Variants in SLC8A3 observed in about 807,000 individuals in gnomAD.
SLC8A3 encodes the protein solute carrier family 8 member A3.
Under a neutral mutation model 65.4 loss-of-function variants are expected in SLC8A3, and 37 were observed. The observed-to-expected ratio is 0.57, with a 90% CI of 0.44 to 0.74. The LOEUF (loss-of-function observed/expected upper bound fraction) is 0.74. Ranked by LOEUF, SLC8A3 falls within the 30% of genes least tolerant of loss-of-function variation. SLC8A3 has a pLI of 0.00. For missense variants in SLC8A3, 1,112 were observed against 1,172.1 expected (o/e 0.95, Z 0.75); for synonymous variants, 461 against 444.5 (o/e 1.04, Z -0.47).
In SLC8A3 at chr14:70,060,868, C is replaced by A. The variant is rs1186932767; in HGVS notation, c.1856G>T (p.Gly619Val). ...ERQENFFIAL[G>V]EPKWMERGIS... Reference sequence around the variant, plus strand: ...TCCACGTTCCATCCATTTCGGTTCACCAAGGGCAATGAAGAAATTCTCTTG... The same window carrying A: ...TCCACGTTCCATCCATTTCGGTTCAACAAGGGCAATGAAGAAATTCTCTTG... The change falls in exon 3 of 7, where the codon GGT (glycine) becomes GTT (valine). Residue 619 changes from glycine to valine, a missense_variant. By Grantham distance (109) the Gly-to-Val change is moderately radical (BLOSUM62 -3). Coordinates refer to ENST00000356921, the MANE Select transcript of SLC8A3 (RefSeq NM_182932.3). The A allele has an allele frequency of 9.8e-6, 15 of 1,532,490 alleles. No homozygotes were observed. The highest frequency in any genetic ancestry group is 1.3e-5 in the Non-Finnish European group (15 of 1,140,370). 94.9% of individuals were successfully genotyped at this position (1,532,490 alleles called of 1,614,324 possible). A position where few individuals can be genotyped will look rare whatever the true frequency, so the allele number is the denominator to read the frequency against.
Position 70,045,689 on chromosome 14 carries a change from T to G in SLC8A3, c.*258A>C. ...TCAGGGATATGAGGGGGAGATGGGGTGGAGGTGGATTTGTTGCTGTTGCTT... is the reference window on the plus strand; with the variant it reads ...TCAGGGATATGAGGGGGAGATGGGGGGGAGGTGGATTTGTTGCTGTTGCTT... On this transcript the variant is annotated 3_prime_UTR_variant, in exon 7 of 7. Transcript: ENST00000356921. 1 of 360,524 alleles carries G rather than the reference T, an allele frequency of 2.8e-6. No homozygotes were observed. 22.3% of individuals were successfully genotyped at this position (360,524 alleles called of 1,614,324 possible). A position where few individuals can be genotyped will look rare whatever the true frequency, so the allele number is the denominator to read the frequency against.
In SLC8A3 at chr14:70,049,700, G is replaced by A. The variant is rs112265737; in HGVS notation, c.2114-658C>T. Among the ~76,000 whole-genome samples the A allele has an allele frequency of 8.6e-3, 1,310 of 152,152 alleles. 17 individuals carry two copies. Among genetic ancestry groups the A allele is most frequent in the Middle Eastern group, 0.02 (6 of 294 alleles). On this transcript the variant is annotated intron_variant, in intron 5 of 6. Transcript: ENST00000356921. Reference sequence around the variant, plus strand: ...CTAAGGAGAGAAGTGAAATCAGTTCGGTGTGGCCACTCTTCACTGGATGCC... The same window carrying A: ...CTAAGGAGAGAAGTGAAATCAGTTCAGTGTGGCCACTCTTCACTGGATGCC...
intron 1 of SLC8A3, among the ~76,000 whole-genome samples, chr14:70,177,172 A>G (rs563937830): frequency 6.6e-6 from 1 of 152,386 alleles, no homozygotes; most frequent in Admixed American, 6.5e-5. Flanking sequence ...TGCCTGGCAT[A>G]TCACAGATGC....
At chr14:70,126,889 T>C (rs1894494126) in intron 2 of SLC8A3, among the ~76,000 whole-genome samples, 1 of 148,868 alleles carries the variant, frequency 6.7e-6, no homozygotes, top group African/African-American at 2.5e-5. Context: ...GGTAAGTATA[T>C]AATGCAAATA....
At chr14:70,182,210 G>A (rs74062834) in intron 1 of SLC8A3, among the ~76,000 whole-genome samples, 15,603 of 152,150 alleles carry the variant, frequency 0.1, 1,071 homozygotes, top group African/African-American at 0.18. Context: ...AGGAGGAGAA[G>A]CTCCTAAGGA....
chr14:70,149,654 T>G (rs1464184023), intron 2 of SLC8A3, among the ~76,000 whole-genome samples: 1 of 152,174 alleles, frequency 6.6e-6, no homozygotes, highest in East Asian at 1.9e-4. Context: ...CAGCCTGTAC[T>G]GTAATTATTG....
chr14:70,168,477 C>A lies in SLC8A3; in HGVS notation c.-55G>T, dbSNP rs770175543. The A allele has an allele frequency of 1.1e-5, 16 of 1,423,606 alleles. No homozygotes were observed. The highest frequency in any genetic ancestry group is 1.5e-5 in the Non-Finnish European group (15 of 1,032,488). The allele number at this position is 1,423,606 out of a possible 1,614,324, so 88.2% of individuals were successfully genotyped here. A position where few individuals can be genotyped will look rare whatever the true frequency, so the allele number is the denominator to read the frequency against. On this transcript the variant is annotated 5_prime_UTR_variant, in exon 2 of 7. Transcript: ENST00000356921. ...CAGCACCAGTTGTCCTCCTGATAGG[C>A]CAGAGACCTAGAAAAGATCAGAGAG...
At chr14:70,078,095 C>T (rs1356955872) in intron 2 of SLC8A3, among the ~76,000 whole-genome samples, 1 of 152,232 alleles carries the variant, frequency 6.6e-6, no homozygotes, top group Non-Finnish European at 1.5e-5. Flanking sequence ...TATGGCACAT[C>T]TCAGGGCTGC....
chr14:70,120,847 T>A (rs1216018675), intron 2 of SLC8A3, among the ~76,000 whole-genome samples: 1 of 152,202 alleles, frequency 6.6e-6, no homozygotes, highest in East Asian at 1.9e-4. Context: ...GGCACAGTGA[T>A]CTTTAAGATA....
At chr14:70,135,179 A>G (rs1895105740) in intron 2 of SLC8A3, among the ~76,000 whole-genome samples, 1 of 152,218 alleles carries the variant, frequency 6.6e-6, no homozygotes, top group South Asian at 2.1e-4. Context: ...GCAAATCAAA[A>G]CTACAGTGAT....
At chr14:70,173,869 G>A (rs1566832707) in intron 1 of SLC8A3, among the ~76,000 whole-genome samples, 1 of 152,220 alleles carries the variant, frequency 6.6e-6, no homozygotes, top group Non-Finnish European at 1.5e-5. Flanking sequence ...TCAAGAGTAG[G>A]AAAGATGTGA....
intron 2 of SLC8A3, among the ~76,000 whole-genome samples, chr14:70,140,163 A>G (rs1566806141): frequency 6.6e-6 from 1 of 152,218 alleles, no homozygotes; most frequent in Non-Finnish European, 1.5e-5. Context: ...TTCTGATGTC[A>G]TTAAGGTATG....
intron 2 of SLC8A3, chr14:70,063,724 G>A: frequency 4.3e-6 from 3 of 700,254 alleles, no homozygotes; most frequent in Non-Finnish European, 7.7e-6. Flanking sequence ...AACCAGAGAG[G>A]TGGAAGACAA....
At chr14:70,182,370 A>G (rs1245866517) in intron 1 of SLC8A3, among the ~76,000 whole-genome samples, 1 of 152,212 alleles carries the variant, frequency 6.6e-6, no homozygotes, top group Admixed American at 6.5e-5. Flanking sequence ...TAACAGCACA[A>G]ACCATTCAGG....
chr14:70,077,390 G>T (rs1890632393), intron 2 of SLC8A3, among the ~76,000 whole-genome samples: 1 of 152,122 alleles, frequency 6.6e-6, no homozygotes, highest in Non-Finnish European at 1.5e-5. Context: ...GCCTTTTCAG[G>T]GTAACATTCC....
chr14:70,096,118 G>A (rs576364004), intron 2 of SLC8A3, among the ~76,000 whole-genome samples: 58 of 152,250 alleles, frequency 3.8e-4, no homozygotes, highest in South Asian at 6.2e-4. Context: ...CTGACCTCAG[G>A]TGATCCACCT....
Position 70,051,971 on chromosome 14 carries a change from A to G in SLC8A3, c.2013+19T>C. On this transcript the variant is annotated intron_variant, in intron 4 of 6. Transcript: ENST00000356921. Reference sequence around the variant, plus strand: ...TTTAATTTATTTATTATTCAATTAGACCTCACTGTTTGCCTGACCTTGAAC... The same window carrying G: ...TTTAATTTATTTATTATTCAATTAGGCCTCACTGTTTGCCTGACCTTGAAC... 6.2e-7 allele frequency: 1 copy of G among 1,607,564 alleles called. No individual in the cohort carries two copies. Among genetic ancestry groups the G allele is most frequent in the Non-Finnish European group, 8.5e-7 (1 of 1,174,804 alleles).
chr14:70,082,693 A>T (rs1030170749), intron 2 of SLC8A3, among the ~76,000 whole-genome samples: 16 of 152,120 alleles, frequency 1.1e-4, no homozygotes, highest in African/African-American at 3.1e-4. Context: ...TAGCTGTGTC[A>T]TACACCTCTC....
intron 2 of SLC8A3, among the ~76,000 whole-genome samples, chr14:70,098,716 A>G (rs540085855): frequency 6.6e-6 from 1 of 152,238 alleles, no homozygotes; most frequent in South Asian, 2.1e-4. Flanking sequence ...AGCTTCTGCC[A>G]GGCTAAAGAC....
Sources: gnomAD v4.1 joint callset for allele counts (sites outside exome capture counted in the v4.1 genomes callset) on GRCh38, gnomAD v4.1.1 for gene constraint, MANE v1.5 for transcripts, NCBI Gene and HGNC (gene_info 2026-07-23, HGNC 2026-07-21) for gene names.